ZNF236: variants seen among roughly 807,000 people sequenced by gnomAD.
ZNF236 encodes regulated by glucose.
In ZNF236, 50 loss-of-function variants were observed where a neutral mutation model predicts 191.2. That is an observed-to-expected ratio of 0.26 (90% CI 0.21 to 0.33). The LOEUF is 0.33. Ranked by LOEUF, ZNF236 falls within the 10% of genes least tolerant of loss-of-function variation. The pLI is 1.00. For missense variants in ZNF236, 1,754 were observed against 2,374.5 expected (o/e 0.74, Z 5.43); for synonymous variants, 907 against 928.8 (o/e 0.98, Z 0.43).
At position 76,963,991 on chromosome 18, in the gene ZNF236, A is replaced by G. The variant is rs1192828356; in HGVS notation, c.5419+3136A>G. On this transcript the variant is annotated intron_variant, in intron 30 of 30. Coordinates refer to ENST00000320610, the MANE Select transcript of ZNF236 (RefSeq NM_001306089.2). ...TGGTTAATCTTGCTAGTAGTCTATC[A>G]ATTTTATTTATGTTTTCAGAGAACC... Among the ~76,000 whole-genome samples the G allele has an allele frequency of 2.0e-5, 3 of 152,062 alleles. No homozygotes were observed. The South Asian group carries it at 6.2e-4, about 31-fold the overall frequency.
In ZNF236 at chr18:76,927,488, A is replaced by G. The variant is rs1967736579; in HGVS notation, c.4385A>G (p.Gln1462Arg). 14 of 1,614,026 alleles carry G rather than the reference A, an allele frequency of 8.7e-6. No homozygotes were observed. The highest frequency in any genetic ancestry group is 1.2e-5 in the Non-Finnish European group (14 of 1,180,042). Residue 1462 changes from glutamine (Q) to arginine (R), a missense_variant, in exon 24 of 31, where the codon CAG (glutamine) becomes CGG (arginine). Gln to Arg is a conservative substitution (Grantham distance 43, BLOSUM62 1). Coordinates refer to ENST00000320610, the MANE Select transcript of ZNF236 (RefSeq NM_001306089.2). This position sits in a 1 kb window ranked among gnomAD's most constrained non-coding sequence, Gnocchi z 5.4. ...ANLTIGPLSE[Q>R]DSVLTTNSSG... ...CTGACCATAGGCCCGCTGTCTGAGC[A>G]GGATTCAGTGCTGACCACTAACAGC...
chr18:76,847,659 CAG>C (rs961932622), intron 1 of ZNF236, among the ~76,000 whole-genome samples: 95 of 152,118 alleles, frequency 6.2e-4, no homozygotes, highest in African/African-American at 2.3e-3. Context: ...TTAGTAGAGA[CAG>C]GGTTTCACCG....
intron 1 of ZNF236, chr18:76,834,883 C>T (rs947321868): frequency 1.4e-5 from 5 of 348,738 alleles, no homozygotes; most frequent in African/African-American, 1.1e-4. Flanking sequence ...AGGGATTGAA[C>T]TTCATTTGGG....
At position 76,826,028 on chromosome 18, in the gene ZNF236, G is replaced by A. The variant is rs141890032; in HGVS notation, c.55+3366G>A. On this transcript the variant is annotated intron_variant, in intron 1 of 30. Transcript: ENST00000320610. ...GTGAAGTGGTTTTATTTTCTTTGTT[G>A]CCCTATTATGAATTTCATTCCTAAG... Among the ~76,000 whole-genome samples the A allele has an allele frequency of 2.8e-3, 420 of 152,220 alleles. 6 individuals are homozygous for A. Among genetic ancestry groups the A allele is most frequent in the African/African-American group, 9.8e-3 (406 of 41,540 alleles).
At chr18:76,921,670 C>G (rs986702842) in intron 20 of ZNF236, among the ~76,000 whole-genome samples, 2 of 150,746 alleles carry the variant, frequency 1.3e-5, no homozygotes, top group Non-Finnish European at 2.9e-5. Flanking sequence ...AAAATGCTAC[C>G]AAGGCGACAT....
At chr18:76,956,697 GC>G in intron 28 of ZNF236, among the ~76,000 whole-genome samples, 2 of 152,328 alleles carry the variant, frequency 1.3e-5, no homozygotes, top group Middle Eastern at 6.8e-3. Flanking sequence ...AGACCTGAGT[GC>G]CCGCATGTGG....
intron 3 of ZNF236, among the ~76,000 whole-genome samples, chr18:76,859,251 G>A (rs1976140818): frequency 6.7e-6 from 1 of 149,782 alleles, no homozygotes; most frequent in South Asian, 2.2e-4. Context: ...CTCAGGTGGA[G>A]GCGGGTGCAG....
chr18:76,956,050 G>C lies in ZNF236; in HGVS notation c.4980G>C (p.Gln1660His). ...NQPEKEGRAH[Q>H]CLECDRAFSS... ...CAGAGAAGGAGGGCCGGGCGCACCA[G>C]TGCCTGGAGTGTGACCGCGCCTTCT... The change falls in exon 28 of 31, where the codon CAG becomes CAC. Residue 1660 changes from glutamine (Q) to histidine (H), a missense_variant. Gln to His is a conservative substitution (Grantham distance 24, BLOSUM62 0). This residue lies in a region of ZNF236 where 606 missense variants were observed against 761.5 expected (regional missense o/e 0.80). Transcript: ENST00000320610. 6.2e-7 allele frequency: 1 copy of C among 1,609,440 alleles called. No individual in the cohort carries two copies.
chr18:76,910,276 G>T, intron 15 of ZNF236, 107 bp downstream of exon 15: 1 of 943,902 alleles, frequency 1.1e-6, no homozygotes, highest in Non-Finnish European at 1.5e-6. Context: ...TAAAGTGTAT[G>T]GTTTCAAACC....
At chr18:76,939,737 A>C (rs969147688) in intron 26 of ZNF236, among the ~76,000 whole-genome samples, 8 of 151,278 alleles carry the variant, frequency 5.3e-5, no homozygotes, top group Non-Finnish European at 4.4e-5. Context: ...TGTAATGTGC[A>C]TTGGGCTTTG....
At chr18:76,930,807 CAGTG>C (rs1359107305) in intron 25 of ZNF236, among the ~76,000 whole-genome samples, 4 of 152,160 alleles carry the variant, frequency 2.6e-5, no homozygotes, top group Non-Finnish European at 5.9e-5. Flanking sequence ...TCATTCCACA[CAGTG>C]TGTGATTTTT....
intron 6 of ZNF236, among the ~76,000 whole-genome samples, chr18:76,876,017 GAAAT>G (rs1976701107): frequency 6.6e-6 from 1 of 152,136 alleles, no homozygotes. Context: ...TAAAAGATAA[GAAAT>G]AAAATTGGGA....
chr18:76,846,474 G>A (rs567134029), intron 1 of ZNF236, among the ~76,000 whole-genome samples: 3 of 152,330 alleles, frequency 2.0e-5, no homozygotes, highest in African/African-American at 7.2e-5. Context: ...CTTCCACAGA[G>A]CGAAGGGAAC....
chr18:76,939,222 A>G (rs1968071931), intron 26 of ZNF236, among the ~76,000 whole-genome samples: 1 of 152,086 alleles, frequency 6.6e-6, no homozygotes, highest in Admixed American at 6.6e-5. Context: ...GATTCCAGCT[A>G]CTTGGGAGTC....
intron 3 of ZNF236, among the ~76,000 whole-genome samples, chr18:76,862,706 T>A (rs1025252076): frequency 6.6e-6 from 1 of 152,210 alleles, no homozygotes; most frequent in Non-Finnish European, 1.5e-5. Flanking sequence ...TGCACTGTGC[T>A]TTCCTCCCAC....
chr18:76,935,353 T>C (rs182835226), intron 25 of ZNF236, among the ~76,000 whole-genome samples: 56 of 152,336 alleles, frequency 3.7e-4, no homozygotes, highest in African/African-American at 1.3e-3. Context: ...CTGTCTGAAG[T>C]TGTTTATTAT....
intron 27 of ZNF236, among the ~76,000 whole-genome samples, chr18:76,952,347 G>A (rs913170796): frequency 6.6e-6 from 1 of 152,176 alleles, no homozygotes; most frequent in African/African-American, 2.4e-5. Flanking sequence ...ACATTAATTG[G>A]TTTTAATCAT....
intron 25 of ZNF236, among the ~76,000 whole-genome samples, chr18:76,933,301 T>C (rs1967906635): frequency 6.6e-6 from 1 of 152,046 alleles, no homozygotes; most frequent in Non-Finnish European, 1.5e-5. Context: ...AAACCCCGTC[T>C]CCATTAAAAA....
intron 30 of ZNF236, among the ~76,000 whole-genome samples, chr18:76,961,841 C>T (rs779006893): frequency 5.3e-5 from 8 of 151,850 alleles, no homozygotes; most frequent in Admixed American, 1.3e-4. Context: ...TTTTTTCATA[C>T]GTTTGCTGGC....
Sources: gnomAD v4.1 joint callset for allele counts (sites outside exome capture counted in the v4.1 genomes callset) on GRCh38, gnomAD v4.1.1 for gene constraint, gnomAD v4.1.1 regional missense constraint, Gnocchi (gnomAD v3.1) non-coding constraint, MANE v1.5 for transcripts, NCBI Gene and HGNC (gene_info 2026-07-23, HGNC 2026-07-21) for gene names.